FANCM: variants seen among roughly 807,000 people sequenced by gnomAD.
FANCM encodes the protein Fanconi anemia group M protein.
FANCM carries 140 observed loss-of-function variants against 199.5 expected under a neutral mutation model. The ratio of observed to expected loss-of-function variants is 0.70; its 90% CI spans 0.61 to 0.81. The LOEUF (loss-of-function observed/expected upper bound fraction) is 0.81. Ranked by LOEUF, FANCM falls within the 30% of genes least tolerant of loss-of-function variation. The probability of loss-of-function intolerance (pLI) is 0.00; values close to 1 mark genes in which losing one functional copy is unlikely to be tolerated. For missense variants in FANCM, 2,410 were observed against 2,421.4 expected, an observed-to-expected ratio of 1.00 and a Z score of 0.10; for synonymous variants, 840 against 836.8, an observed-to-expected ratio of 1.00 and a Z score of -0.07.
At chr14:45,162,024 A>T (rs1887641914) in intron 9 of FANCM, among the ~76,000 whole-genome samples, 1 of 152,176 alleles carries the variant, frequency 6.6e-6, no homozygotes, top group African/African-American at 2.4e-5. Flanking sequence ...ATGAAGTCTG[A>T]CTGTAGGATG....
chr14:45,153,318 G>A (rs1886951403), intron 5 of FANCM, among the ~76,000 whole-genome samples: 1 of 152,182 alleles, frequency 6.6e-6, no homozygotes, highest in Admixed American at 6.5e-5. Context: ...GCATAACATA[G>A]CTACCTGCTA....
chr14:45,142,342 T>C (rs1886032937), intron 3 of FANCM, among the ~76,000 whole-genome samples: 1 of 150,616 alleles, frequency 6.6e-6, no homozygotes, highest in African/African-American at 2.5e-5. Context: ...AGTCTCGCAC[T>C]GTTGCCCGGG....
At chr14:45,142,844 A>G (rs2139127639) in intron 3 of FANCM, among the ~76,000 whole-genome samples, 1 of 152,190 alleles carries the variant, frequency 6.6e-6, no homozygotes, top group Non-Finnish European at 1.5e-5. Context: ...CTTAGTTAAG[A>G]TGATGTCTTC....
intron 5 of FANCM, among the ~76,000 whole-genome samples, chr14:45,152,132 A>C (rs547251986): frequency 6.6e-6 from 1 of 151,140 alleles, no homozygotes; most frequent in South Asian, 2.1e-4. Flanking sequence ...AGGTTCAAGC[A>C]AGTCTTGTGC....
rs753430768 is a variant in FANCM, at chr14:45,189,188, A to G, written c.5166A>G (p.Pro1722=). The G allele has an allele frequency of 1.2e-6, 2 of 1,614,202 alleles. No homozygotes were observed. The highest frequency in any genetic ancestry group is 1.3e-5 in the African/African-American group (1 of 75,068). Residue 1722 remains proline, a synonymous_variant, in exon 20 of 23, where the codon CCA becomes CCG. Transcript: ENST00000267430. ...CGCAGTCCAAGGTGCGTTCTACTCCAAGAGTTAATCCATTAGCAAAGCAGA... is the reference window on the plus strand; with the variant it reads ...CGCAGTCCAAGGTGCGTTCTACTCCGAGAGTTAATCCATTAGCAAAGCAGA... ...SSAQSKVRST[P]RVNPLAKQSK... is the part of the protein sequence containing the mutation.
chr14:45,162,995 C>T (rs563614390), intron 9 of FANCM, among the ~76,000 whole-genome samples: 19 of 150,270 alleles, frequency 1.3e-4, no homozygotes, highest in African/African-American at 4.3e-4. Flanking sequence ...TTGTTTCTCC[C>T]TGTACTCCGA....
At chr14:45,139,688 A>G (rs1030873108) in intron 2 of FANCM, among the ~76,000 whole-genome samples, 2 of 152,224 alleles carry the variant, frequency 1.3e-5, no homozygotes, top group Non-Finnish European at 2.9e-5. Context: ...CTTAATTTAT[A>G]TATTGTGAGC....
intron 9 of FANCM, among the ~76,000 whole-genome samples, chr14:45,162,724 G>A (rs1887691052): frequency 6.6e-6 from 1 of 152,160 alleles, no homozygotes; most frequent in African/African-American, 2.4e-5. Context: ...GTTCATGGAA[G>A]TGTATATTCA....
At chr14:45,197,132 G>T (rs1388542040) in intron 21 of FANCM, among the ~76,000 whole-genome samples, 3 of 152,034 alleles carry the variant, frequency 2.0e-5, no homozygotes, top group Non-Finnish European at 4.4e-5. Context: ...TAATTGTATG[G>T]CGAGCCCTCA....
intron 2 of FANCM, among the ~76,000 whole-genome samples, chr14:45,139,785 T>A (rs935988874): frequency 6.6e-6 from 1 of 152,176 alleles, no homozygotes; most frequent in Admixed American, 6.6e-5. Flanking sequence ...AAGACTGGCC[T>A]GGGCAGGGTG....
In FANCM at chr14:45,175,790, T is replaced by C. The variant is rs1458507743; in HGVS notation, c.3036T>C (p.Ala1012=). Residue 1012 remains alanine (A), a synonymous_variant, in exon 14 of 23, where the codon GCT becomes GCC. Coordinates refer to ENST00000267430, the MANE Select transcript of FANCM (RefSeq NM_020937.4). ...TCTCAGACTTGGAATATGAAATTGCTAAGGGTACTGCACTTGAGAATTTGC... is the reference window on the plus strand; with the variant it reads ...TCTCAGACTTGGAATATGAAATTGCCAAGGGTACTGCACTTGAGAATTTGC... ...SGLSDLEYEI[A]KGTALENLLF... is the part of the protein sequence containing the mutation. 6.2e-7 allele frequency: 1 copy of C among 1,613,702 alleles called. No homozygotes were observed. Among genetic ancestry groups the C allele is most frequent in the East Asian group, 2.2e-5 (1 of 44,876 alleles).
chr14:45,172,402 G>A (rs539980862), intron 12 of FANCM, among the ~76,000 whole-genome samples: 2 of 152,190 alleles, frequency 1.3e-5, no homozygotes, highest in East Asian at 1.9e-4. Flanking sequence ...GTAGGGCTTC[G>A]ATCCATCTTG....
intron 12 of FANCM, among the ~76,000 whole-genome samples, chr14:45,172,362 A>G (rs1023308938): frequency 4.5e-4 from 69 of 152,026 alleles, no homozygotes; most frequent in African/African-American, 1.6e-3. Flanking sequence ...TTTCAATGTG[A>G]CAGAATTTTT....
Position 45,176,536 on chromosome 14 carries a change from G to C in FANCM, c.3782G>C (p.Gly1261Ala), listed in dbSNP as rs760618717. ...DSNRPLDDLY[G>A]RYLEIKEISD... The stretch of plus-strand genomic sequence containing the variant: ...AATAGACCTCTAGATGATCTATATG[G>C]AAGGTATTTGGAAATTAAGGAGATA... Residue 1261 changes from glycine (G) to alanine (A), a missense_variant, in exon 14 of 23, where the codon GGA (glycine) becomes GCA (alanine). Gly to Ala is a moderately conservative substitution (Grantham distance 60). Coordinates refer to ENST00000267430, the MANE Select transcript of FANCM (RefSeq NM_020937.4). 3 of 1,600,714 alleles carry C rather than the reference G, an allele frequency of 1.9e-6. No individual in the cohort carries two copies. The highest frequency in any genetic ancestry group is 1.3e-5 in the African/African-American group (1 of 74,342).
intron 10 of FANCM, among the ~76,000 whole-genome samples, chr14:45,166,298 AT>A (rs967861093): frequency 1.1e-3 from 154 of 145,574 alleles, no homozygotes; most frequent in Middle Eastern, 3.6e-3. Flanking sequence ...TGCCCGGCTA[AT>A]TTTTTTTTTT....
Position 45,192,980 on chromosome 14 carries a change from G to A in FANCM, c.5341-3192G>A, listed in dbSNP as rs73342621. 5.8e-3 allele frequency among the ~76,000 whole-genome samples: 884 copies of A among 152,274 alleles called. 9 individuals carry two copies. Among genetic ancestry groups the A allele is most frequent in the African/African-American group, 0.02 (824 of 41,554 alleles). ...GCTTTTCTTCACACACTCATCAGGC[G>A]TTCACAAAAAAGACTGAGAATGAGA... On this transcript the variant is annotated intron_variant, in intron 20 of 22. Transcript: ENST00000267430.
At chr14:45,147,006 A>C (rs1459020330) in intron 3 of FANCM, among the ~76,000 whole-genome samples, 1 of 152,186 alleles carries the variant, frequency 6.6e-6, no homozygotes, top group Non-Finnish European at 1.5e-5. Context: ...TATCAGCTAC[A>C]TGAATGTAGG....
chr14:45,159,663 T>A (rs1594778371), intron 9 of FANCM, among the ~76,000 whole-genome samples: 1 of 152,310 alleles, frequency 6.6e-6, no homozygotes, highest in East Asian at 1.9e-4. Context: ...CAATAAATGT[T>A]TATTAAGTCG....
Position 45,189,145 on chromosome 14 carries a change from T to C in FANCM, c.5123T>C (p.Val1708Ala), listed in dbSNP as rs1889602650. The change falls in exon 20 of 23, where the codon GTG becomes GCG. Residue 1708 changes from valine (V) to alanine (A), a missense_variant. Coordinates refer to ENST00000267430, the MANE Select transcript of FANCM (RefSeq NM_020937.4). Reference protein sequence around the residue: ...NKQQDHCLNSVPSGSSAQSKV... With the variant: ...NKQQDHCLNSAPSGSSAQSKV... ...CAACAGGACCATTGTTTAAATTCAG[T>C]GCCTTCTGGATCTTCTGCGCAGTCC... The C allele has an allele frequency of 1.2e-6, 2 of 1,614,096 alleles. No homozygotes were observed. Among genetic ancestry groups the C allele is most frequent in the Non-Finnish European group, 1.7e-6 (2 of 1,180,010 alleles).
Sources: allele counts gnomAD v4.1 joint callset (sites outside exome capture counted in the v4.1 genomes callset), GRCh38; gene constraint gnomAD v4.1.1; transcripts MANE v1.5; gene names NCBI Gene and HGNC (gene_info 2026-07-23, HGNC 2026-07-21).